KDM4B: variants seen among roughly 807,000 people sequenced by gnomAD.
The protein encoded by KDM4B is lysine-specific demethylase 4B.
Under a neutral mutation model 125.2 loss-of-function variants are expected in KDM4B, and 32 were observed. That is an observed-to-expected ratio of 0.26 (90% CI 0.19 to 0.34). KDM4B has a LOEUF of 0.34. Ranked by LOEUF, KDM4B falls within the 10% of genes least tolerant of loss-of-function variation. The probability of loss-of-function intolerance (pLI) is 1.00; values close to 1 mark genes in which losing one functional copy is unlikely to be tolerated. For synonymous variants in KDM4B, 721 were observed against 677.9 expected (o/e 1.06, Z -0.99); for missense variants, 1,190 against 1,577.7 (o/e 0.75, Z 4.16).
intron 9 of KDM4B, among the ~76,000 whole-genome samples, chr19:5,101,805 C>T (rs996265297): frequency 1.3e-5 from 2 of 152,160 alleles, no homozygotes; most frequent in Non-Finnish European, 2.9e-5. Flanking sequence ...TATGGGGGAG[C>T]CCACATCAGG....
rs116907165 is a variant in KDM4B at position 4,999,310 on chromosome 19, C to T, written c.-108-16947C>T. On this transcript the variant is annotated intron_variant, in intron 1 of 22. Coordinates refer to ENST00000159111, the MANE Select transcript of KDM4B (RefSeq NM_015015.3). ...GCTCCACATTTTTCCAGAAAGAGCCCGGTCGAGCTGGCTCCTGGGCCATTT... is the reference window on the plus strand; with the variant it reads ...GCTCCACATTTTTCCAGAAAGAGCCTGGTCGAGCTGGCTCCTGGGCCATTT... 4.0e-4 allele frequency among the ~76,000 whole-genome samples: 61 copies of T among 152,232 alleles called. No homozygotes were observed. The East Asian group carries it at 7.5e-3, about 19-fold the overall frequency.
Position 5,114,059 on chromosome 19 carries a change from T to A in KDM4B, c.1115+3241T>A. Reference sequence around the variant, plus strand: ...GGATGGGTCGCCTAAAACTGCAGCCTGGCTCCTGGCGGGTGCCCTCAGCCT... The same window carrying A: ...GGATGGGTCGCCTAAAACTGCAGCCAGGCTCCTGGCGGGTGCCCTCAGCCT... On this transcript the variant is annotated intron_variant, in intron 10 of 22. Transcript: ENST00000159111. The surrounding 1 kb of genome is among the most constrained non-coding windows in gnomAD (Gnocchi z 5.8). The A allele has an allele frequency of 7.8e-7, 1 of 1,288,564 alleles. No homozygotes were observed. The allele number at this position is 1,288,564 out of a possible 1,614,324, so 79.8% of individuals were successfully genotyped here.
intron 15 of KDM4B, among the ~76,000 whole-genome samples, chr19:5,136,811 G>A (rs554561595): frequency 6.6e-6 from 1 of 152,342 alleles, no homozygotes; most frequent in Non-Finnish European, 1.5e-5. Flanking sequence ...CGCTCTGGGG[G>A]CATGATTCGG....
chr19:5,104,692 G>A (rs1229799108), intron 9 of KDM4B, among the ~76,000 whole-genome samples: 1 of 152,046 alleles, frequency 6.6e-6, no homozygotes, highest in Admixed American at 6.6e-5. Context: ...CTGCTTTTAG[G>A]TGGAGCGTAT....
chr19:5,108,660 C>G (rs1270985278), intron 9 of KDM4B, among the ~76,000 whole-genome samples: 3 of 152,238 alleles, frequency 2.0e-5, no homozygotes, highest in Non-Finnish European at 4.4e-5. Flanking sequence ...TTCCCATTTC[C>G]TTCATCCCAT....
chr19:5,063,656 C>A (rs1599537834), intron 6 of KDM4B, among the ~76,000 whole-genome samples: 1 of 152,232 alleles, frequency 6.6e-6, no homozygotes, highest in East Asian at 1.9e-4. Context: ...GCAACGCAGG[C>A]AGGGACCGTG....
chr19:5,122,076 C>T (rs1156399597), intron 11 of KDM4B, among the ~76,000 whole-genome samples: 1 of 152,206 alleles, frequency 6.6e-6, no homozygotes, highest in East Asian at 1.9e-4. Flanking sequence ...CGCTCCTTGT[C>T]TCACAGCTCT....
intron 6 of KDM4B, among the ~76,000 whole-genome samples, chr19:5,054,002 T>A (rs372821016): frequency 1.0e-4 from 16 of 152,394 alleles, no homozygotes; most frequent in African/African-American, 3.4e-4. Flanking sequence ...CTGCTTCTGA[T>A]GGCGACTGTG....
At chr19:4,978,263 T>C (rs1247951294) in intron 1 of KDM4B, among the ~76,000 whole-genome samples, 1 of 151,788 alleles carries the variant, frequency 6.6e-6, no homozygotes, top group Non-Finnish European at 1.5e-5. Context: ...TCCCAGCACT[T>C]TGGGAGGCTG....
chr19:5,004,186 G>A (rs1291753188), intron 1 of KDM4B, among the ~76,000 whole-genome samples: 7 of 152,166 alleles, frequency 4.6e-5, no homozygotes, highest in African/African-American at 1.7e-4. Context: ...TGAGGTTAAG[G>A]ATTCTCCTAA....
rs2039948340 is a variant in KDM4B, at chr19:5,151,541, C to G, written c.*30C>G. 2 of 1,318,974 alleles carry G rather than the reference C, an allele frequency of 1.5e-6. No homozygotes were observed. The highest frequency in any genetic ancestry group is 7.6e-5 in the Admixed American group (2 of 26,230). 81.7% of individuals were successfully genotyped at this position (1,318,974 alleles called of 1,614,324 possible). A position where few individuals can be genotyped will look rare whatever the true frequency, so the allele number is the denominator to read the frequency against. ...GCTGGCCGCTCAGGCGACCCTCAGC[C>G]CGGCGGGGAGGCCATGGCATGCCCC... On this transcript the variant is annotated 3_prime_UTR_variant, in exon 23 of 23. Coordinates refer to ENST00000159111, the MANE Select transcript of KDM4B (RefSeq NM_015015.3).
intron 10 of KDM4B, chr19:5,119,230 T>C: frequency 6.6e-7 from 1 of 1,508,500 alleles, no homozygotes; most frequent in Non-Finnish European, 8.9e-7. Context: ...GTAAGTGTCT[T>C]TTTCGTTCCG....
At chr19:5,137,699 G>A (rs1276762688) in intron 17 of KDM4B, 23 bp downstream of exon 17, 2 of 1,563,682 alleles carry the variant, frequency 1.3e-6, no homozygotes, top group Non-Finnish European at 1.7e-6. Context: ...GCGCGTTGGG[G>A]CTGGAGGGCC....
intron 10 of KDM4B, chr19:5,119,281 G>C: frequency 1.7e-6 from 2 of 1,143,994 alleles, no homozygotes; most frequent in South Asian, 1.3e-5. Flanking sequence ...TGTTTCCCTC[G>C]GAGCTCACAC....
chr19:4,972,548 C>G (rs1454195296), intron 1 of KDM4B, among the ~76,000 whole-genome samples: 1 of 152,096 alleles, frequency 6.6e-6, no homozygotes, highest in Non-Finnish European at 1.5e-5. Context: ...TGAACAATAT[C>G]CCTGACCACC....
chr19:4,973,513 C>T (rs2034332746), intron 1 of KDM4B, among the ~76,000 whole-genome samples: 1 of 152,084 alleles, frequency 6.6e-6, no homozygotes, highest in African/African-American at 2.4e-5. Flanking sequence ...TTTACTAATT[C>T]GCGTTCAAAT....
intron 9 of KDM4B, among the ~76,000 whole-genome samples, chr19:5,085,393 G>A (rs1473536022): frequency 1.3e-5 from 2 of 152,348 alleles, no homozygotes; most frequent in Non-Finnish European, 2.9e-5. Context: ...GTTGTGACCA[G>A]CCCAGCAGCA....
chr19:4,969,828 C>A (rs1437847042), intron 1 of KDM4B, among the ~76,000 whole-genome samples: 2 of 151,450 alleles, frequency 1.3e-5, no homozygotes, highest in African/African-American at 4.9e-5. Context: ...TTGGTAGCTT[C>A]CAAACTTGCC....
At position 5,005,509 on chromosome 19, in the gene KDM4B, C is replaced by T. The variant is rs149177485; in HGVS notation, c.-108-10748C>T. Among the ~76,000 whole-genome samples the T allele has an allele frequency of 9.2e-3, 1,395 of 152,206 alleles. 29 individuals are homozygous for T. Among genetic ancestry groups the T allele is most frequent in the African/African-American group, 0.032 (1,319 of 41,508 alleles). ...GATGAGGGTGTTAACATGGGGAGCC[C>T]CCTTTACAGATGAGGAAACTGAGGC... On this transcript the variant is annotated intron_variant, in intron 1 of 22. Coordinates refer to ENST00000159111, the MANE Select transcript of KDM4B (RefSeq NM_015015.3).
Sources: gnomAD v4.1 joint callset for allele counts (sites outside exome capture counted in the v4.1 genomes callset) on GRCh38, gnomAD v4.1.1 for gene constraint, Gnocchi (gnomAD v3.1) non-coding constraint, MANE v1.5 for transcripts, NCBI Gene and HGNC (gene_info 2026-07-23, HGNC 2026-07-21) for gene names.